The following CNTNAP2 variants were observed in gnomAD, a reference collection of about 807,000 sequenced individuals.
The protein encoded by CNTNAP2 is contactin-associated protein-like 2.
In CNTNAP2, 98 loss-of-function variants were observed where a neutral mutation model predicts 155.2. That is an observed-to-expected ratio of 0.63 (90% CI 0.54 to 0.75). CNTNAP2 has a LOEUF of 0.75. CNTNAP2 is among the 30% of genes least tolerant of loss of function. The pLI, the probability that CNTNAP2 is intolerant of heterozygous loss-of-function variation, is 0.00. For missense variants in CNTNAP2, 1,727 were observed against 1,688.1 expected (o/e 1.02, Z -0.40); for synonymous variants, 651 against 631.2 (o/e 1.03, Z -0.47).
At chr7:147,311,758 A>G (rs867108184) in intron 9 of CNTNAP2, among the ~76,000 whole-genome samples, 18 of 152,116 alleles carry the variant, frequency 1.2e-4, no homozygotes, top group Non-Finnish European at 2.4e-4. Context: ...CTAATACTCT[A>G]TGACAGAACA....
chr7:146,810,740 G>C (rs534331147), intron 2 of CNTNAP2, among the ~76,000 whole-genome samples: 2 of 152,086 alleles, frequency 1.3e-5, no homozygotes, highest in African/African-American at 2.4e-5. Flanking sequence ...GAATTAAGCT[G>C]TTCACCATTA....
chr7:146,977,246 T>C (rs1797930522), intron 3 of CNTNAP2, among the ~76,000 whole-genome samples: 1 of 152,160 alleles, frequency 6.6e-6, no homozygotes. Context: ...CATTCTTCTG[T>C]CTTGGTGTTC....
chr7:148,283,406 G>A (rs929637627), intron 21 of CNTNAP2, among the ~76,000 whole-genome samples: 4 of 151,994 alleles, frequency 2.6e-5, no homozygotes, highest in African/African-American at 9.7e-5. Context: ...TTTATATACA[G>A]TTGATCATTA....
At chr7:147,803,966 T>C (rs1468573108) in intron 13 of CNTNAP2, among the ~76,000 whole-genome samples, 2 of 152,218 alleles carry the variant, frequency 1.3e-5, no homozygotes, top group Non-Finnish European at 2.9e-5. Flanking sequence ...AGAATACGAA[T>C]GTAAGTTCCT....
At chr7:146,799,440 G>T (rs1358253082) in intron 2 of CNTNAP2, among the ~76,000 whole-genome samples, 1 of 152,096 alleles carries the variant, frequency 6.6e-6, no homozygotes, top group Non-Finnish European at 1.5e-5. Flanking sequence ...AATAAATGTT[G>T]GTTGGTTGAA....
chr7:146,571,310 T>G (rs1472524897), intron 1 of CNTNAP2, among the ~76,000 whole-genome samples: 2 of 152,118 alleles, frequency 1.3e-5, no homozygotes, highest in Non-Finnish European at 2.9e-5. Context: ...GAACATTTGA[T>G]AAAATATTTC....
At position 147,179,734 on chromosome 7, in the gene CNTNAP2, C is replaced by T. The variant is rs922075870; in HGVS notation, c.1348+47225C>T. 2.1e-4 allele frequency among the ~76,000 whole-genome samples: 32 copies of T among 151,700 alleles called. 1 individual carries two copies. Among genetic ancestry groups the T allele is most frequent in the African/African-American group, 6.3e-4 (26 of 41,216 alleles). On this transcript the variant is annotated intron_variant, in intron 8 of 23. Coordinates refer to ENST00000361727, the MANE Select transcript of CNTNAP2 (RefSeq NM_014141.6). ...AACTCAGTAAACAATGGAGTCTAGG[C>T]CAGACAAGGAGGGAGAGAAATATAG...
At chr7:148,032,588 C>T (rs1009888853) in intron 15 of CNTNAP2, among the ~76,000 whole-genome samples, 12 of 152,112 alleles carry the variant, frequency 7.9e-5, no homozygotes, top group African/African-American at 2.7e-4. Flanking sequence ...CCAAGGGAAA[C>T]GTTCAAGGTC....
At chr7:147,153,610 A>C (rs189783201) in intron 8 of CNTNAP2, among the ~76,000 whole-genome samples, 5 of 152,326 alleles carry the variant, frequency 3.3e-5, no homozygotes, top group Admixed American at 3.3e-4. Flanking sequence ...TACAGTAAAG[A>C]GTAAATGTTT....
chr7:146,248,594 C>G (rs906908317), intron 1 of CNTNAP2, among the ~76,000 whole-genome samples: 3 of 151,880 alleles, frequency 2.0e-5, no homozygotes, highest in African/African-American at 7.3e-5. Context: ...ACGTGTGGCG[C>G]CAAGATTGAA....
chr7:146,302,795 C>G (rs1286085549), intron 1 of CNTNAP2, among the ~76,000 whole-genome samples: 2 of 152,108 alleles, frequency 1.3e-5, no homozygotes, highest in Non-Finnish European at 2.9e-5. Flanking sequence ...TATGTTATTA[C>G]TTTGCTCTTA....
chr7:147,067,373 A>G (rs1381728233), intron 4 of CNTNAP2, among the ~76,000 whole-genome samples: 3 of 150,012 alleles, frequency 2.0e-5, no homozygotes, highest in Non-Finnish European at 4.4e-5. Context: ...CAAAGGCCCC[A>G]CCTCCAAATG....
At chr7:146,973,986 A>T (rs1344833619) in intron 3 of CNTNAP2, among the ~76,000 whole-genome samples, 1 of 152,238 alleles carries the variant, frequency 6.6e-6, no homozygotes, top group Admixed American at 6.5e-5. Flanking sequence ...CAAGAGCTTC[A>T]TAAGGTCAAA....
At chr7:147,996,032 G>T (rs533551763) in intron 15 of CNTNAP2, among the ~76,000 whole-genome samples, 1 of 152,304 alleles carries the variant, frequency 6.6e-6, no homozygotes, top group South Asian at 2.1e-4. Flanking sequence ...CCCTTCTGAG[G>T]CTGTGAGGGT....
chr7:146,395,137 A>C (rs533424355), intron 1 of CNTNAP2, among the ~76,000 whole-genome samples: 2 of 152,294 alleles, frequency 1.3e-5, no homozygotes, highest in African/African-American at 4.8e-5. Context: ...TCTTTATCGC[A>C]TCATCCACTG....
rs545649067 is a variant in CNTNAP2 at position 147,834,588 on chromosome 7, C to G, written c.2099-68977C>G. On this transcript the variant is annotated intron_variant, in intron 13 of 23. Coordinates refer to ENST00000361727, the MANE Select transcript of CNTNAP2 (RefSeq NM_014141.6). ...TTTCTGGGTCTTTCATAGACACCTA[C>G]ATCGACCAAATGGATCCATCTCCCA... Among the ~76,000 whole-genome samples, 6 of 152,284 alleles carry G rather than the reference C, an allele frequency of 3.9e-5. No individual in the cohort carries two copies. The South Asian group carries it at 1.2e-3, about 32-fold the overall frequency.
At chr7:147,765,910 G>A (rs1390263038) in intron 13 of CNTNAP2, among the ~76,000 whole-genome samples, 1 of 152,172 alleles carries the variant, frequency 6.6e-6, no homozygotes, top group Non-Finnish European at 1.5e-5. Flanking sequence ...AGAACAAACT[G>A]CTGACATTGG....
At chr7:147,208,579 A>G (rs1337209755) in intron 8 of CNTNAP2, among the ~76,000 whole-genome samples, 8 of 152,058 alleles carry the variant, frequency 5.3e-5, no homozygotes, top group Non-Finnish European at 1.2e-4. Flanking sequence ...TGAAGATTGA[A>G]TAAAAGCATT....
intron 3 of CNTNAP2, among the ~76,000 whole-genome samples, chr7:146,938,236 C>T (rs1376382502): frequency 2.0e-5 from 3 of 152,002 alleles, no homozygotes; most frequent in Non-Finnish European, 4.4e-5. Context: ...TGTGACTCAT[C>T]TCCAAAGCTT....
Sources: allele counts gnomAD v4.1 joint callset (sites outside exome capture counted in the v4.1 genomes callset), GRCh38; gene constraint gnomAD v4.1.1; transcripts MANE v1.5; gene names NCBI Gene and HGNC (gene_info 2026-07-23, HGNC 2026-07-21).